MYO1D: variants seen among roughly 807,000 people sequenced by gnomAD.
MYO1D encodes the protein unconventional myosin-Id.
In MYO1D, 83 loss-of-function variants were observed where a neutral mutation model predicts 122.0. The observed-to-expected ratio is 0.68, with a 90% CI of 0.57 to 0.82. The LOEUF (loss-of-function observed/expected upper bound fraction) is 0.82. MYO1D is among the 40% of genes least tolerant of loss of function. MYO1D has a pLI of 0.00. For synonymous variants in MYO1D, 464 were observed against 446.9 expected (o/e 1.04, Z -0.48); for missense variants, 1,157 against 1,269.5 (o/e 0.91, Z 1.35).
At chr17:32,771,006 G>A (rs1443500953) in intron 6 of MYO1D, 119 bp downstream of exon 6, 1 of 645,038 alleles carries the variant, frequency 1.6e-6, no homozygotes, top group East Asian at 2.9e-5. Flanking sequence ...AAATAGAACA[G>A]GATAAAAGAG....
At chr17:32,867,099 G>A (rs1330395846) in intron 1 of MYO1D, among the ~76,000 whole-genome samples, 4 of 152,056 alleles carry the variant, frequency 2.6e-5, no homozygotes, top group Admixed American at 1.3e-4. Flanking sequence ...AGGCCAAGGC[G>A]GGTGAATCAT....
chr17:32,787,718 G>C (rs888015501), intron 1 of MYO1D, among the ~76,000 whole-genome samples: 6 of 151,962 alleles, frequency 3.9e-5, no homozygotes, highest in Admixed American at 2.6e-4. Context: ...TGCCAGGCCT[G>C]GTATGTGGTC....
At position 32,780,756 on chromosome 17, in the gene MYO1D, T is replaced by G; in HGVS notation, c.124A>C (p.Ile42Leu). The stretch of plus-strand genomic sequence containing the variant: ...TTCACAGAAACGACGACTTCTCCAA[T>G]GAACGTATAGATGCGCCCTTTTTCA... ...RFEKGRIYTFIGEVVVSVNPY... is the reference protein window; with the variant it reads ...RFEKGRIYTFLGEVVVSVNPY... Residue 42 changes from isoleucine (I) to leucine (L), a missense_variant, in exon 2 of 22, where the codon ATT becomes CTT. Ile to Leu is a conservative substitution (Grantham distance 5). Transcript: ENST00000318217. 6.2e-7 allele frequency: 1 copy of G among 1,614,204 alleles called. No homozygotes were observed. The highest frequency in any genetic ancestry group is 8.5e-7 in the Non-Finnish European group (1 of 1,180,032).
intron 21 of MYO1D, among the ~76,000 whole-genome samples, chr17:32,576,476 A>G (rs2087279357): frequency 6.6e-6 from 1 of 152,220 alleles, no homozygotes; most frequent in African/African-American, 2.4e-5. Flanking sequence ...TCTGTGATAC[A>G]TATCAATAAT....
intron 21 of MYO1D, among the ~76,000 whole-genome samples, chr17:32,593,830 G>C (rs1483848437): frequency 2.0e-5 from 3 of 152,164 alleles, no homozygotes; most frequent in Admixed American, 6.5e-5. Context: ...CCAGCTACCT[G>C]GGAGGCTGAG....
chr17:32,740,274 G>A (rs936984506), intron 13 of MYO1D, among the ~76,000 whole-genome samples: 17 of 152,092 alleles, frequency 1.1e-4, no homozygotes, highest in African/African-American at 4.1e-4. Flanking sequence ...ACTGGTGTTT[G>A]GTCTATGCAG....
chr17:32,867,798 CAAAAAAAAA>C (rs5820001), intron 1 of MYO1D, among the ~76,000 whole-genome samples: 41 of 53,938 alleles, frequency 7.6e-4, no homozygotes, highest in Non-Finnish European at 1.2e-3. Flanking sequence ...GACTCCGTCT[CAAAAAAAAA>C]AAAAAAAAAA....
At chr17:32,666,380 T>C (rs999182388) in intron 16 of MYO1D, among the ~76,000 whole-genome samples, 1 of 152,246 alleles carries the variant, frequency 6.6e-6, no homozygotes, top group Non-Finnish European at 1.5e-5. Flanking sequence ...GTTTCCACTA[T>C]GGTACTATTT....
intron 1 of MYO1D, among the ~76,000 whole-genome samples, chr17:32,799,223 A>G (rs1855544735): frequency 6.6e-6 from 1 of 152,232 alleles, no homozygotes; most frequent in Admixed American, 6.5e-5. Flanking sequence ...AGGAAATGGA[A>G]AAAACAAATA....
At chr17:32,742,806 T>C (rs1331362983) in intron 13 of MYO1D, among the ~76,000 whole-genome samples, 1 of 152,240 alleles carries the variant, frequency 6.6e-6, no homozygotes, top group Non-Finnish European at 1.5e-5. Context: ...TCCATACAGA[T>C]GAATCATTTG....
At chr17:32,620,771 G>C (rs767832392) in intron 20 of MYO1D, among the ~76,000 whole-genome samples, 21 of 152,156 alleles carry the variant, frequency 1.4e-4, no homozygotes, top group Non-Finnish European at 2.9e-4. Flanking sequence ...CAGAAATGTA[G>C]TTTCTCCTGC....
Position 32,654,598 on chromosome 17 carries a change from T to C in MYO1D, c.2369A>G (p.Lys790Arg), listed in dbSNP as rs759074588. ...FNRWRASQLI[K>R]SIPASDLPQV... is the part of the protein sequence containing the mutation. ...GGGCAGGTCTGAGGCCGGAATGCTCTTGATGAGCTGGGATGCTCTCCATCT... is the reference window on the plus strand; with the variant it reads ...GGGCAGGTCTGAGGCCGGAATGCTCCTGATGAGCTGGGATGCTCTCCATCT... The change falls in exon 18 of 22, where the codon AAG (lysine) becomes AGG (arginine). Residue 790 changes from lysine (K) to arginine (R), a missense_variant. Lys to Arg is a conservative substitution (Grantham distance 26, BLOSUM62 2). Transcript: ENST00000318217. 6.2e-6 allele frequency: 10 copies of C among 1,612,448 alleles called. No individual in the cohort carries two copies. The highest frequency in any genetic ancestry group is 2.2e-5 in the East Asian group (1 of 44,852).
At chr17:32,871,293 G>C (rs2091177349) in intron 1 of MYO1D, among the ~76,000 whole-genome samples, 1 of 152,192 alleles carries the variant, frequency 6.6e-6, no homozygotes, top group Non-Finnish European at 1.5e-5. Flanking sequence ...TTGACATCTA[G>C]TGAGTAGAGG....
chr17:32,651,744 C>T (rs113217242), intron 19 of MYO1D, among the ~76,000 whole-genome samples: 57 of 148,612 alleles, frequency 3.8e-4, no homozygotes, highest in African/African-American at 1.2e-3. Flanking sequence ...GGCACGATCT[C>T]GGCTCACTGC....
chr17:32,722,245 GTA>G (rs2089520576), intron 14 of MYO1D, among the ~76,000 whole-genome samples: 1 of 152,146 alleles, frequency 6.6e-6, no homozygotes, highest in South Asian at 2.1e-4. Context: ...AGGCCCTGCT[GTA>G]TTAGTTTCCT....
At chr17:32,567,929 T>C (rs2087187867) in intron 21 of MYO1D, among the ~76,000 whole-genome samples, 1 of 152,128 alleles carries the variant, frequency 6.6e-6, no homozygotes, top group Non-Finnish European at 1.5e-5. Flanking sequence ...CAGAGGTGCA[T>C]TCAGTAGTTT....
At chr17:32,603,188 G>T (rs2087582871) in intron 21 of MYO1D, among the ~76,000 whole-genome samples, 1 of 152,062 alleles carries the variant, frequency 6.6e-6, no homozygotes, top group African/African-American at 2.4e-5. Context: ...CATACGCCTA[G>T]AAATGTACCT....
At chr17:32,517,629 C>T (rs563558800) in intron 21 of MYO1D, among the ~76,000 whole-genome samples, 3 of 152,094 alleles carry the variant, frequency 2.0e-5, no homozygotes, top group South Asian at 2.1e-4. Flanking sequence ...TGTGCACCAC[C>T]GCTTTAAACC....
chr17:32,777,554 G>T (rs963503221), intron 3 of MYO1D, among the ~76,000 whole-genome samples: 2 of 152,144 alleles, frequency 1.3e-5, no homozygotes, highest in African/African-American at 4.8e-5. Context: ...TGTGCCAGCT[G>T]CTCCCCTAAA....
Sources: gnomAD v4.1 joint callset for allele counts (sites outside exome capture counted in the v4.1 genomes callset) on GRCh38, gnomAD v4.1.1 for gene constraint, MANE v1.5 for transcripts, NCBI Gene and HGNC (gene_info 2026-07-23, HGNC 2026-07-21) for gene names.